The following DEPDC5 variants were observed in gnomAD, a reference collection of about 807,000 sequenced individuals.
DEPDC5 encodes the protein DEP domain containing 5, GATOR1 subcomplex subunit, also known as GATOR1 complex protein DEPDC5.
Under a neutral mutation model 217.3 loss-of-function variants are expected in DEPDC5, and 73 were observed. That is an observed-to-expected ratio of 0.34 (90% CI 0.28 to 0.41). The LOEUF (loss-of-function observed/expected upper bound fraction) is 0.41, where lower values mean the gene tolerates loss of function less well. Among genes scored for constraint, DEPDC5 ranks in the 10% least tolerant of loss-of-function variants. The pLI, the probability that DEPDC5 is intolerant of heterozygous loss-of-function variation, is 1.00. For missense variants in DEPDC5, 1,675 were observed against 2,070.1 expected (o/e 0.81, Z 3.70); for synonymous variants, 733 against 756.7 (o/e 0.97, Z 0.51).
At chr22:31,885,918 C>T (rs954048657) in intron 38 of DEPDC5, among the ~76,000 whole-genome samples, 1 of 151,684 alleles carries the variant, frequency 6.6e-6, no homozygotes, top group African/African-American at 2.4e-5. Context: ...CATGTAACCC[C>T]AGCTACTCAG....
At chr22:31,760,631 A>C in intron 3 of DEPDC5, 25 bp from the exon 4 acceptor site, 1 of 1,607,778 alleles carries the variant, frequency 6.2e-7, no homozygotes, top group Non-Finnish European at 8.5e-7. Context: ...CGGTATCCCA[A>C]CTCTCTTGTT....
intron 24 of DEPDC5, among the ~76,000 whole-genome samples, chr22:31,833,524 G>A (rs1053351277): frequency 4.6e-5 from 7 of 152,074 alleles, no homozygotes; most frequent in African/African-American, 1.7e-4. Flanking sequence ...TCACTCTGTC[G>A]TCGCCCAGGT....
chr22:31,766,544 G>A, intron 5 of DEPDC5, 41 bp from the exon 6 acceptor site: 21 of 1,592,944 alleles, frequency 1.3e-5, no homozygotes, highest in Non-Finnish European at 1.7e-5. Context: ...ATAAAGTGTG[G>A]CAAAGTAATG....
chr22:31,774,864 C>T (rs1369067413), intron 7 of DEPDC5, among the ~76,000 whole-genome samples: 1 of 151,770 alleles, frequency 6.6e-6, no homozygotes, highest in Admixed American at 6.6e-5. Context: ...CCTCGTGATC[C>T]ACCCACCTCG....
chr22:31,766,483 C>T, intron 5 of DEPDC5, 102 bp from the exon 6 acceptor site: 2 of 1,166,994 alleles, frequency 1.7e-6, no homozygotes, highest in South Asian at 2.6e-5. Context: ...CAGTAGTTTT[C>T]TTTTTTGCAA....
intron 15 of DEPDC5, among the ~76,000 whole-genome samples, 169 bp downstream of exon 15, chr22:31,803,007 A>C (rs552526263): frequency 6.6e-5 from 10 of 152,258 alleles, no homozygotes; most frequent in African/African-American, 2.2e-4. Flanking sequence ...TTCATGGTCA[A>C]ATCAGTTTGG....
intron 2 of DEPDC5, 36 bp from the exon 3 acceptor site, chr22:31,758,510 T>A: frequency 1.3e-6 from 2 of 1,587,486 alleles, no homozygotes; most frequent in Non-Finnish European, 1.7e-6. Context: ...ACCTAATGAG[T>A]GTTTTTCTAC....
chr22:31,871,203 AG>A (rs1391954833), intron 34 of DEPDC5, among the ~76,000 whole-genome samples: 3 of 152,350 alleles, frequency 2.0e-5, no homozygotes, highest in South Asian at 2.1e-4. Flanking sequence ...TGCTCGAGCA[AG>A]TGCACCAGCT....
At chr22:31,808,884 A>G (rs1173535854) in intron 18 of DEPDC5, among the ~76,000 whole-genome samples, 1 of 152,010 alleles carries the variant, frequency 6.6e-6, no homozygotes. Flanking sequence ...ATTTTAAAGA[A>G]GCAAGAGTTA....
chr22:31,819,372 G>C, intron 22 of DEPDC5, 147 bp downstream of exon 22: 1 of 780,610 alleles, frequency 1.3e-6, no homozygotes, highest in Non-Finnish European at 2.0e-6. Flanking sequence ...CATCCCAGGG[G>C]TTCTTGTAAA....
At chr22:31,866,683 C>G (rs2092698377) in intron 33 of DEPDC5, among the ~76,000 whole-genome samples, 2 of 152,206 alleles carry the variant, frequency 1.3e-5, no homozygotes, top group South Asian at 4.1e-4. Flanking sequence ...CGCGCCCAGC[C>G]CTTTCCTTAC....
chr22:31,893,909 G>A, intron 39 of DEPDC5, 158 bp downstream of exon 39: 1 of 892,150 alleles, frequency 1.1e-6, no homozygotes, highest in Non-Finnish European at 1.6e-6. Flanking sequence ...TTTAAACATA[G>A]TAAAAATTTT....
chr22:31,877,787 A>C (rs2093046835), intron 37 of DEPDC5, among the ~76,000 whole-genome samples: 1 of 150,998 alleles, frequency 6.6e-6, no homozygotes, highest in African/African-American at 2.4e-5. Context: ...GCAAAAACAG[A>C]AAACCAGACC....
chr22:31,902,577 A>G (rs2093670979), intron 41 of DEPDC5, among the ~76,000 whole-genome samples: 1 of 152,008 alleles, frequency 6.6e-6, no homozygotes, highest in African/African-American at 2.4e-5. Flanking sequence ...AATGAAGGCA[A>G]GGGTGGCTGA....
At chr22:31,824,591 T>C (rs952323511) in intron 24 of DEPDC5, among the ~76,000 whole-genome samples, 16 of 152,042 alleles carry the variant, frequency 1.1e-4, no homozygotes, top group African/African-American at 3.6e-4. Context: ...GAAAACACAT[T>C]GAATACAAAT....
intron 23 of DEPDC5, 25 bp downstream of exon 23, chr22:31,821,662 A>C: frequency 1.2e-6 from 2 of 1,605,052 alleles, no homozygotes; most frequent in Non-Finnish European, 8.5e-7. Flanking sequence ...AGGGCTCTGG[A>C]AGGTAACCTG....
rs55851105 is a variant in DEPDC5, at chr22:31,771,715, TCACACACACACACACACACA to T, written c.413+2899_413+2918del. ...AGCCTGGTGACAGAGCAAGACTCCG[TCACACACACACACACACACA>T]CACACACACACACACACACACACAC... On this transcript the variant is annotated intron_variant, in intron 7 of 42. Transcript: ENST00000651528. Among the ~76,000 whole-genome samples, 283 of 78,086 alleles carry T rather than the reference TCACACACACACACACACACA, an allele frequency of 3.6e-3. 2 individuals carry two copies. Among genetic ancestry groups the T allele is most frequent in the Middle Eastern group, 0.013 (2 of 156 alleles). 51.2% of individuals were successfully genotyped at this position (78,086 alleles called of 152,430 possible).
chr22:31,794,877 C>A (rs146412256), intron 12 of DEPDC5, among the ~76,000 whole-genome samples: 54 of 151,824 alleles, frequency 3.6e-4, no homozygotes, highest in African/African-American at 1.1e-3. Flanking sequence ...CATAGTGAGA[C>A]CCTGTCTCAA....
chr22:31,837,352 C>CTT (rs763885915), intron 26 of DEPDC5, 197 bp downstream of exon 26: 61 of 545,042 alleles, frequency 1.1e-4, no homozygotes, highest in South Asian at 7.0e-4. Context: ...TTTTTTTTTC[C>CTT]TTTTTTTTTT....
Sources: gnomAD v4.1 joint callset for allele counts (sites outside exome capture counted in the v4.1 genomes callset) on GRCh38, gnomAD v4.1.1 for gene constraint, MANE v1.5 for transcripts, NCBI Gene and HGNC (gene_info 2026-07-23, HGNC 2026-07-21) for gene names.